TG: variants seen among roughly 807,000 people sequenced by gnomAD.
TG encodes the protein thyroglobulin.
In TG, 270 loss-of-function variants were observed where a neutral mutation model predicts 324.7. The observed-to-expected ratio is 0.83, with a 90% CI of 0.75 to 0.92. The LOEUF is 0.92. Among genes scored for constraint, TG ranks in the 40% least tolerant of loss-of-function variants. The pLI is 0.00. For missense variants in TG, 3,591 were observed against 3,456.4 expected (o/e 1.04, Z -0.98); for synonymous variants, 1,401 against 1,327.0 (o/e 1.06, Z -1.21).
At chr8:132,969,239 C>A (rs1394599983) in intron 31 of TG, among the ~76,000 whole-genome samples, 1 of 152,100 alleles carries the variant, frequency 6.6e-6, no homozygotes, top group Admixed American at 6.5e-5. Flanking sequence ...TAGCTTCCAA[C>A]ATTTTGTTGC....
At chr8:132,937,032 CAT>C (rs527637405) in intron 25 of TG, among the ~76,000 whole-genome samples, 148 of 152,298 alleles carry the variant, frequency 9.7e-4, no homozygotes, top group African/African-American at 3.3e-3. Context: ...TGAGGTGACA[CAT>C]GTGAAACTGT....
chr8:132,926,577 T>C (rs1165864022), intron 22 of TG, among the ~76,000 whole-genome samples: 2 of 152,184 alleles, frequency 1.3e-5, no homozygotes, highest in Non-Finnish European at 2.9e-5. Flanking sequence ...TCTCTAGTTG[T>C]CTGGGATTCT....
chr8:133,050,613 C>T (rs1587887950), intron 41 of TG: 1 of 510,184 alleles, frequency 2.0e-6, no homozygotes, highest in East Asian at 3.3e-5. Flanking sequence ...ATTTGATCTA[C>T]CAGGCAGTGG....
chr8:132,872,253 C>A (rs906966529), intron 4 of TG, among the ~76,000 whole-genome samples: 1 of 151,430 alleles, frequency 6.6e-6, no homozygotes, highest in Non-Finnish European at 1.5e-5. Flanking sequence ...CCGAGGCGGG[C>A]GGATCACGAG....
At chr8:133,022,256 C>T in intron 40 of TG, 106 bp downstream of exon 40, 1 of 1,494,830 alleles carries the variant, frequency 6.7e-7, no homozygotes, top group Middle Eastern at 2.3e-4. Context: ...TCCAGCCAAG[C>T]TAGGCACACA....
At chr8:132,886,225 GA>G (rs1387219217) in intron 8 of TG, among the ~76,000 whole-genome samples, 1 of 152,120 alleles carries the variant, frequency 6.6e-6, no homozygotes, top group Admixed American at 6.5e-5. Context: ...AGAGCTGGTG[GA>G]GTGGTCATGC....
At chr8:132,997,437 C>T (rs947909626) in intron 35 of TG, among the ~76,000 whole-genome samples, 2 of 152,022 alleles carry the variant, frequency 1.3e-5, no homozygotes, top group Non-Finnish European at 1.5e-5. Flanking sequence ...TATTTGAAGT[C>T]GTAGGGATAT....
chr8:133,074,968 G>A (rs1844638859), intron 41 of TG: 1 of 985,510 alleles, frequency 1.0e-6, no homozygotes, highest in Non-Finnish European at 1.2e-6. Flanking sequence ...AGGCAGCCGG[G>A]CTTCTCGCGG....
At chr8:133,028,186 G>C (rs557960602) in intron 40 of TG, among the ~76,000 whole-genome samples, 1 of 152,170 alleles carries the variant, frequency 6.6e-6, no homozygotes, top group Non-Finnish European at 1.5e-5. Flanking sequence ...GGCTGTGGAC[G>C]TCACTTTTCA....
rs1289155370 is a variant in TG at position 132,948,763 on chromosome 8, T to C, written c.5234-13T>C. 3 of 1,613,190 alleles carry C rather than the reference T, an allele frequency of 1.9e-6. No individual in the cohort carries two copies. Among genetic ancestry groups the C allele is most frequent in the Non-Finnish European group, 2.5e-6 (3 of 1,179,992 alleles). On this transcript the variant is annotated splice_polypyrimidine_tract_variant and intron_variant, in intron 26 of 47. Transcript: ENST00000220616. The stretch of plus-strand genomic sequence containing the variant: ...CCATCACACTGACCTCTCCTACCTC[T>C]TGTGATTCTCAGGTGCCATCATCTG...
rs187794607 is a variant in TG at position 132,930,496 on chromosome 8, C to T, written c.4816+1304C>T. 4.3e-3 allele frequency among the ~76,000 whole-genome samples: 653 copies of T among 152,246 alleles called. 3 individuals are homozygous for T. The highest frequency in any genetic ancestry group is 0.017 in the Middle Eastern group (5 of 294). On this transcript the variant is annotated intron_variant, in intron 23 of 47. Coordinates refer to ENST00000220616, the MANE Select transcript of TG (RefSeq NM_003235.5). Reference sequence around the variant, plus strand: ...AGGAGTTCGTGACCAGCCTGGCCAACATGGTGAAACCCCGTCTCTACTAAA... The same window carrying T: ...AGGAGTTCGTGACCAGCCTGGCCAATATGGTGAAACCCCGTCTCTACTAAA...
intron 28 of TG, among the ~76,000 whole-genome samples, chr8:132,962,601 T>C (rs541533328): frequency 2.6e-5 from 4 of 152,370 alleles, no homozygotes; most frequent in African/African-American, 9.6e-5. Flanking sequence ...TTAAAATTTC[T>C]AATTCATTTA....
chr8:132,882,783 C>T (rs1402421487), intron 7 of TG, 31 bp from the exon 8 acceptor site: 2 of 1,613,978 alleles, frequency 1.2e-6, no homozygotes, highest in South Asian at 1.1e-5. Context: ...ATTGTTGACA[C>T]TGTCTTCTTT....
intron 41 of TG, among the ~76,000 whole-genome samples, chr8:133,077,244 A>G (rs1474852858): frequency 6.6e-6 from 1 of 152,216 alleles, no homozygotes; most frequent in Non-Finnish European, 1.5e-5. Context: ...TGTTCAAGTC[A>G]GAGGCAGAGG....
intron 21 of TG, among the ~76,000 whole-genome samples, chr8:132,923,123 A>G (rs1020486060): frequency 6.6e-6 from 1 of 152,134 alleles, no homozygotes; most frequent in African/African-American, 2.4e-5. Flanking sequence ...TGGTGTGTGA[A>G]GCATGGGGTA....
At chr8:132,884,250 G>C (rs1462163472) in intron 8 of TG, among the ~76,000 whole-genome samples, 1 of 152,174 alleles carries the variant, frequency 6.6e-6, no homozygotes, top group Non-Finnish European at 1.5e-5. Flanking sequence ...ATTCAACCCA[G>C]TATGGGGCCA....
chr8:132,872,133 TAA>T (rs1330788978), intron 4 of TG, among the ~76,000 whole-genome samples: 1 of 152,154 alleles, frequency 6.6e-6, no homozygotes, highest in Admixed American at 6.5e-5. Context: ...TGTTTTAAGC[TAA>T]GTGTTATCAT....
At position 132,886,891 on chromosome 8, in the gene TG, G is replaced by A. The variant is rs372589630; in HGVS notation, c.1519G>A (p.Ala507Thr). ...TCAATTTTTCCAGCAACTTGGTCTT[G>A]CAAGCTTCTTGAATGGAGGGAGACA... Reference protein sequence around the residue: ...FSQFFQQLGLASFLNGGRQED... With the variant: ...FSQFFQQLGLTSFLNGGRQED... Residue 507 changes from alanine to threonine, a missense_variant, in exon 9 of 48, where the codon GCA becomes ACA. By Grantham distance (58) the Ala-to-Thr change is moderately conservative. Transcript: ENST00000220616. The A allele has an allele frequency of 5.6e-6, 9 of 1,614,042 alleles. No individual in the cohort carries two copies. The highest frequency in any genetic ancestry group is 1.6e-4 in the Middle Eastern group (1 of 6,084).
At chr8:132,943,916 C>T (rs552694372) in intron 26 of TG, among the ~76,000 whole-genome samples, 1 of 152,188 alleles carries the variant, frequency 6.6e-6, no homozygotes, top group Non-Finnish European at 1.5e-5. Flanking sequence ...TCTCCTTCAG[C>T]TTTCTGGGTT....
Sources: gnomAD v4.1 joint callset for allele counts (sites outside exome capture counted in the v4.1 genomes callset) on GRCh38, gnomAD v4.1.1 for gene constraint, MANE v1.5 for transcripts, NCBI Gene and HGNC (gene_info 2026-07-23, HGNC 2026-07-21) for gene names.